RIT2: variants seen among roughly 807,000 people sequenced by gnomAD.
The protein encoded by RIT2 is Ras like without CAAX 2, also known as GTP-binding protein Rit2.
A neutral mutation model predicts 23.7 loss-of-function variants in RIT2; 24 were observed. The ratio of observed to expected loss-of-function variants is 1.01; its 90% CI spans 0.73 to 1.43. The LOEUF (loss-of-function observed/expected upper bound fraction) is 1.43. Among genes scored for constraint, RIT2 ranks in the 40% most tolerant of loss-of-function variants. RIT2 has a pLI of 0.00. For synonymous variants in RIT2, 107 were observed against 91.1 expected (o/e 1.17, Z -0.99); for missense variants, 236 against 266.9 (o/e 0.88, Z 0.81).
chr18:42,881,936 C>T (rs1282232806), intron 4 of RIT2, among the ~76,000 whole-genome samples: 3 of 152,198 alleles, frequency 2.0e-5, no homozygotes, highest in Non-Finnish European at 4.4e-5. Flanking sequence ...ACAGGCGGAT[C>T]ACTCCAAACC....
chr18:42,952,890 C>T (rs1909885742), intron 3 of RIT2, among the ~76,000 whole-genome samples: 2 of 151,560 alleles, frequency 1.3e-5, no homozygotes, highest in Non-Finnish European at 1.5e-5. Flanking sequence ...AAACATTATC[C>T]TGCATTTTTT....
chr18:43,033,330 G>C (rs1285662195), intron 2 of RIT2, among the ~76,000 whole-genome samples: 1 of 152,052 alleles, frequency 6.6e-6, no homozygotes, highest in Non-Finnish European at 1.5e-5. Context: ...TTAAATGTCA[G>C]TTTCCTAACC....
intron 1 of RIT2, among the ~76,000 whole-genome samples, chr18:43,064,325 C>T (rs1031306313): frequency 6.6e-6 from 1 of 152,144 alleles, no homozygotes; most frequent in Non-Finnish European, 1.5e-5. Context: ...TAGAGTAATG[C>T]ATAGCCTTTT....
intron 1 of RIT2, among the ~76,000 whole-genome samples, chr18:43,080,100 T>C (rs956191778): frequency 6.6e-5 from 10 of 152,210 alleles, no homozygotes; most frequent in Non-Finnish European, 1.0e-4. Context: ...TTTCTTTGTA[T>C]TTATTAGTAA....
At chr18:43,068,864 C>G (rs1912835583) in intron 1 of RIT2, among the ~76,000 whole-genome samples, 1 of 151,994 alleles carries the variant, frequency 6.6e-6, no homozygotes. Context: ...ATTTTTGAAC[C>G]TTGCTTCCCT....
intron 4 of RIT2, among the ~76,000 whole-genome samples, chr18:42,920,013 T>A (rs551981901): frequency 6.6e-6 from 1 of 152,216 alleles, no homozygotes; most frequent in African/African-American, 2.4e-5. Flanking sequence ...AAACACAACT[T>A]TCCAGTAATT....
intron 1 of RIT2, among the ~76,000 whole-genome samples, chr18:43,074,190 T>C (rs1912960932): frequency 6.6e-6 from 1 of 152,200 alleles, no homozygotes. Context: ...AGAGATCAAC[T>C]AAATTAAACT....
chr18:42,978,329 A>T, intron 2 of RIT2, among the ~76,000 whole-genome samples: 1 of 151,918 alleles, frequency 6.6e-6, no homozygotes, highest in East Asian at 1.9e-4. Flanking sequence ...TCTTTTAAAA[A>T]GTGTCTATCA....
chr18:42,920,694 T>A (rs1321407117), intron 4 of RIT2: 1 of 1,588,984 alleles, frequency 6.3e-7, no homozygotes, highest in South Asian at 1.1e-5. Context: ...CACCTATTCT[T>A]ACCAAATATG....
intron 3 of RIT2, among the ~76,000 whole-genome samples, chr18:42,924,749 C>G (rs1909139507): frequency 1.3e-5 from 2 of 151,976 alleles, no homozygotes; most frequent in South Asian, 4.1e-4. Context: ...AATGGGACTT[C>G]TTTACCTAGC....
At chr18:42,984,810 G>A (rs899718875) in intron 2 of RIT2, among the ~76,000 whole-genome samples, 2 of 151,980 alleles carry the variant, frequency 1.3e-5, no homozygotes, top group Admixed American at 6.6e-5. Flanking sequence ...AAACAAAACC[G>A]AAAGCTAACA....
intron 1 of RIT2, among the ~76,000 whole-genome samples, chr18:43,055,964 T>C (rs763903373): frequency 2.3e-4 from 35 of 152,084 alleles, no homozygotes; most frequent in Admixed American, 1.0e-3. Context: ...TAGAATTTTG[T>C]AAAGGTGAAT....
chr18:42,764,374 T>G (rs1020779822), intron 4 of RIT2, among the ~76,000 whole-genome samples: 1 of 152,230 alleles, frequency 6.6e-6, no homozygotes, highest in Non-Finnish European at 1.5e-5. Flanking sequence ...CAATCTTTTA[T>G]GTCCCATTTC....
intron 1 of RIT2, among the ~76,000 whole-genome samples, chr18:43,046,967 CAAAAAG>C (rs1274159435): frequency 6.6e-6 from 1 of 151,966 alleles, no homozygotes; most frequent in Non-Finnish European, 1.5e-5. Context: ...ATCCTCAGAT[CAAAAAG>C]TTTGAGTGCC....
At chr18:43,109,902 C>T (rs993600000) in intron 1 of RIT2, among the ~76,000 whole-genome samples, 1 of 152,166 alleles carries the variant, frequency 6.6e-6, no homozygotes, top group Non-Finnish European at 1.5e-5. Context: ...AAGTTCTCAT[C>T]TGACATTGGG....
At chr18:42,944,447 G>T (rs1909676708) in intron 3 of RIT2, among the ~76,000 whole-genome samples, 1 of 152,014 alleles carries the variant, frequency 6.6e-6, no homozygotes, top group African/African-American at 2.4e-5. Flanking sequence ...CTAGCCTGAG[G>T]CATGCCTGGC....
At chr18:42,748,415 A>T (rs986634487) in intron 4 of RIT2, among the ~76,000 whole-genome samples, 1 of 152,012 alleles carries the variant, frequency 6.6e-6, no homozygotes, top group African/African-American at 2.4e-5. Flanking sequence ...ACGAATGGTC[A>T]TTATCAAAAA....
chr18:42,832,714 T>C (rs575503853), intron 4 of RIT2, among the ~76,000 whole-genome samples: 21 of 152,154 alleles, frequency 1.4e-4, no homozygotes, highest in African/African-American at 5.1e-4. Context: ...ATACAATATA[T>C]TGTACTTAAT....
chr18:43,064,664 A>C (rs1192424714), intron 1 of RIT2, among the ~76,000 whole-genome samples: 1 of 152,174 alleles, frequency 6.6e-6, no homozygotes, highest in Non-Finnish European at 1.5e-5. Context: ...TTCTGAAAGA[A>C]CAATGGTCCC....
Sources: gnomAD v4.1 joint callset for allele counts (sites outside exome capture counted in the v4.1 genomes callset) on GRCh38, gnomAD v4.1.1 for gene constraint, MANE v1.5 for transcripts, NCBI Gene and HGNC (gene_info 2026-07-23, HGNC 2026-07-21) for gene names.